GAK: variants seen among roughly 807,000 people sequenced by gnomAD.
GAK encodes cyclin-G-associated kinase.
GAK carries 79 observed loss-of-function variants against 143.9 expected under a neutral mutation model. That is an observed-to-expected ratio of 0.55 (90% CI 0.46 to 0.66). The LOEUF is 0.66. Among genes scored for constraint, GAK ranks in the 30% least tolerant of loss-of-function variants. GAK has a pLI of 0.00. For synonymous variants in GAK, 881 were observed against 765.5 expected (o/e 1.15, Z -2.49); for missense variants, 1,693 against 1,779.7 (o/e 0.95, Z 0.88).
At chr4:858,076 A>T (rs760165414) in intron 24 of GAK, among the ~76,000 whole-genome samples, 1 of 152,160 alleles carries the variant, frequency 6.6e-6, no homozygotes, top group African/African-American at 2.4e-5. Flanking sequence ...GTCAGACGGC[A>T]TGCTGCAGAA....
chr4:901,830 G>A (rs900793393), intron 5 of GAK, among the ~76,000 whole-genome samples: 10 of 152,230 alleles, frequency 6.6e-5, no homozygotes, highest in African/African-American at 2.2e-4. Flanking sequence ...CCCGATTAGC[G>A]AGGTCTGAGA....
intron 9 of GAK, among the ~76,000 whole-genome samples, 177 bp downstream of exon 9, chr4:893,200 C>T (rs1449729667): frequency 6.6e-6 from 1 of 151,992 alleles, no homozygotes; most frequent in African/African-American, 2.4e-5. Context: ...ATCTGGGGCT[C>T]ACGTGTGCCT....
At chr4:893,552 C>T (rs1309254664) in intron 8 of GAK, 63 bp from the exon 9 acceptor site, 6 of 1,229,302 alleles carry the variant, frequency 4.9e-6, no homozygotes, top group South Asian at 3.1e-5. Context: ...ACCCCCTGCA[C>T]TGGCAGAGGT....
intron 10 of GAK, 83 bp from the exon 11 acceptor site, chr4:889,053 C>G: frequency 6.8e-7 from 1 of 1,461,876 alleles, no homozygotes; most frequent in Non-Finnish European, 9.1e-7. Flanking sequence ...GCCCAGGCCC[C>G]AGGCGCTCGG....
chr4:925,069 TAAG>T (rs1333811719), intron 1 of GAK, among the ~76,000 whole-genome samples: 1 of 151,868 alleles, frequency 6.6e-6, no homozygotes, highest in African/African-American at 2.4e-5. Context: ...CTCAAAAAAA[TAAG>T]AATAAAAAAA....
rs551173540 is a variant in GAK at position 931,318 on chromosome 4, A to C, written c.145+725T>G. ...CCACTGGCTCTGCTTCCTGTACTACACACGGAATCACACGAGTAGATGTTC... is the reference window on the plus strand; with the variant it reads ...CCACTGGCTCTGCTTCCTGTACTACCCACGGAATCACACGAGTAGATGTTC... On this transcript the variant is annotated intron_variant, in intron 1 of 27. Transcript: ENST00000314167. Among the ~76,000 whole-genome samples the C allele has an allele frequency of 3.4e-4, 52 of 152,270 alleles. No homozygotes were observed. The South Asian group carries it at 5.6e-3, about 16-fold the overall frequency.
chr4:871,984 A>G (rs1474059446), intron 18 of GAK, among the ~76,000 whole-genome samples: 1 of 152,196 alleles, frequency 6.6e-6, no homozygotes, highest in Admixed American at 6.5e-5. Context: ...GAAGAAACAC[A>G]AAAGAGTGGC....
chr4:893,766 G>A (rs984756882), intron 8 of GAK, 108 bp downstream of exon 8: 55 of 1,307,526 alleles, frequency 4.2e-5, no homozygotes, highest in Non-Finnish European at 5.0e-5. Context: ...GGTGACGGGC[G>A]GGAGTGGGGC....
Position 867,372 on chromosome 4 carries a change from A to C in GAK, c.2456T>G (p.Leu819Arg). The C allele has an allele frequency of 6.3e-7, 1 of 1,586,856 alleles. No individual in the cohort carries two copies. The highest frequency in any genetic ancestry group is 8.6e-7 in the Non-Finnish European group (1 of 1,163,042). ...NASSKESESA[L>R]MEDRDESEVS... Reference sequence around the variant, plus strand: ...CTCACTCTCGTCTCTGTCCTCCATCAGGGCAGACTCGCTCTCCTTGGAAGA... The same window carrying C: ...CTCACTCTCGTCTCTGTCCTCCATCCGGGCAGACTCGCTCTCCTTGGAAGA... Residue 819 changes from leucine to arginine, a missense_variant, in exon 21 of 28, where the codon CTG becomes CGG. By Grantham distance (102) the Leu-to-Arg change is moderately radical. Coordinates refer to ENST00000314167, the MANE Select transcript of GAK (RefSeq NM_005255.4).
rs1254053425 is a variant in GAK, at chr4:850,007, G to A, written c.3719C>T (p.Thr1240Ile). The change falls in exon 27 of 28, where the codon ACA becomes ATA. Residue 1240 changes from threonine to isoleucine, a missense_variant. By Grantham distance (89) the Thr-to-Ile change is moderately conservative. This residue lies in a region of GAK where 822 missense variants were observed against 788.7 expected (regional missense o/e 1.04). Transcript: ENST00000314167. ...NIRALLSTLH[T>I]VLWDGESRWT... ...GCGGCTCTCCCCGTCCCACAGCACT[G>A]TGTGCAGCGTGGACAGCAGGGCCCG... 15 of 1,609,042 alleles carry A rather than the reference G, an allele frequency of 9.3e-6. No homozygotes were observed. The highest frequency in any genetic ancestry group is 3.3e-5 in the South Asian group (3 of 90,400).
At chr4:850,210 C>T (rs1303040531) in intron 26 of GAK, 142 bp from the exon 27 acceptor site, 52 of 747,288 alleles carry the variant, frequency 7.0e-5, no homozygotes, top group Non-Finnish European at 1.1e-4. Context: ...TGTCCCACTG[C>T]ACGCCCTGCC....
At chr4:931,971 G>C (rs534220146) in intron 1 of GAK, 72 bp downstream of exon 1, 1 of 1,136,888 alleles carries the variant, frequency 8.8e-7, no homozygotes, top group East Asian at 2.6e-5. Context: ...TCCACTCCGG[G>C]CTGACGCTGC....
At position 849,880 on chromosome 4, in the gene GAK, A is replaced by G; in HGVS notation, c.3834+12T>C. ...TGAAGGCCTCAAGCGGCCGCCTGGC[A>G]GCTCTGCTCACCTTGTCGGGGTGCA... On this transcript the variant is annotated intron_variant, in intron 27 of 27. Transcript: ENST00000314167. 2.6e-6 allele frequency: 4 copies of G among 1,538,010 alleles called. No homozygotes were observed. The highest frequency in any genetic ancestry group is 1.1e-5 in the South Asian group (1 of 88,084).
intron 21 of GAK, 94 bp from the exon 22 acceptor site, chr4:866,628 C>T: frequency 7.2e-7 from 1 of 1,386,812 alleles, no homozygotes; most frequent in Non-Finnish European, 9.9e-7. Flanking sequence ...AGAGGCCACT[C>T]CAGCTGGGCA....
intron 24 of GAK, among the ~76,000 whole-genome samples, chr4:856,334 GCTGCTCACAC>G (rs879237562): frequency 0.026 from 3,266 of 126,802 alleles, 81 homozygotes; most frequent in Non-Finnish European, 0.027. Context: ...GCTCACCACA[GCTGCTCACAC>G]CTGCTCACAC....
chr4:914,595 C>CA (rs1577298016), intron 1 of GAK, among the ~76,000 whole-genome samples: 1 of 129,478 alleles, frequency 7.7e-6, no homozygotes, highest in Non-Finnish European at 1.6e-5. Context: ...TGCACGGCCC[C>CA]ACACACATAG....
At chr4:856,778 A>G (rs1749369509) in intron 24 of GAK, among the ~76,000 whole-genome samples, 1 of 152,176 alleles carries the variant, frequency 6.6e-6, no homozygotes, top group Non-Finnish European at 1.5e-5. Context: ...GTCTCACTAT[A>G]TTGCTCAAGC....
chr4:908,291 G>T (rs1427188073), intron 4 of GAK, among the ~76,000 whole-genome samples: 1 of 152,168 alleles, frequency 6.6e-6, no homozygotes, highest in African/African-American at 2.4e-5. Context: ...AAGCCCGCAG[G>T]CCTCAAACAG....
intron 1 of GAK, among the ~76,000 whole-genome samples, chr4:914,485 C>CAG (rs1577296956): frequency 9.8e-6 from 1 of 102,018 alleles, no homozygotes; most frequent in African/African-American, 4.0e-5. Context: ...CACACACACA[C>CAG]AGCCCCAGCG....
Sources: allele counts gnomAD v4.1 joint callset (sites outside exome capture counted in the v4.1 genomes callset), GRCh38; gene constraint gnomAD v4.1.1; regional missense constraint gnomAD v4.1.1; transcripts MANE v1.5; gene names NCBI Gene and HGNC (gene_info 2026-07-23, HGNC 2026-07-21).